MCPH1: variants seen among roughly 807,000 people sequenced by gnomAD.
MCPH1 encodes the protein microcephalin.
A neutral mutation model predicts 84.5 loss-of-function variants in MCPH1; 104 were observed. The observed-to-expected ratio is 1.23, with a 90% confidence interval of 1.05 to 1.45. The LOEUF (loss-of-function observed/expected upper bound fraction) is 1.45, where lower values mean the gene tolerates loss of function less well. Ranked by LOEUF, MCPH1 falls within the 40% of genes most tolerant of loss-of-function variation. MCPH1 has a pLI of 0.00. For synonymous variants in MCPH1, 514 were observed against 366.8 expected, an observed-to-expected ratio of 1.40 and a Z score of -4.58; for missense variants, 1,498 against 1,005.7, an observed-to-expected ratio of 1.49 and a Z score of -6.62.
At chr8:6,410,701 C>T (rs79143332) in intron 2 of MCPH1, among the ~76,000 whole-genome samples, 1 of 152,172 alleles carries the variant, frequency 6.6e-6, no homozygotes, top group South Asian at 2.1e-4. Flanking sequence ...GAAGAGTACT[C>T]ACATCTTCAT....
intron 1 of MCPH1, 111 bp downstream of exon 1, chr8:6,406,800 C>G (rs1373005787): frequency 8.2e-7 from 1 of 1,220,664 alleles, no homozygotes; most frequent in African/African-American, 1.5e-5. Context: ...GCCCCTCCCT[C>G]GCTGCCTGTC....
intron 13 of MCPH1, among the ~76,000 whole-genome samples, chr8:6,631,243 C>T (rs956659479): frequency 9.2e-5 from 14 of 152,168 alleles, no homozygotes; most frequent in Middle Eastern, 6.3e-3. Context: ...CTCCATCTCA[C>T]ATAACATGCA....
chr8:6,518,477 C>T (rs887181597), intron 12 of MCPH1, among the ~76,000 whole-genome samples: 4 of 152,130 alleles, frequency 2.6e-5, no homozygotes, highest in African/African-American at 9.7e-5. Flanking sequence ...TTTAACACAG[C>T]ATTAATGAAT....
At chr8:6,555,341 A>G (rs1280411344) in intron 12 of MCPH1, among the ~76,000 whole-genome samples, 3 of 152,150 alleles carry the variant, frequency 2.0e-5, no homozygotes, top group African/African-American at 4.8e-5. Context: ...GTCCTGTGAA[A>G]TCCAGCGTTT....
rs182206538 is a variant in MCPH1, at chr8:6,495,492, C to T, written c.2137-4360C>T. Among the ~76,000 whole-genome samples, 360 of 152,312 alleles carry T rather than the reference C, an allele frequency of 2.4e-3. 1 individual carries two copies. Among genetic ancestry groups the T allele is most frequent in the Non-Finnish European group, 3.9e-3 (262 of 68,034 alleles). On this transcript the variant is annotated intron_variant, in intron 11 of 13. Transcript: ENST00000344683. ...AACAGCATACAAACTAGCAAACTCTCATAAATGTTGTTTGAGAAAATCAAT... is the reference window on the plus strand; with the variant it reads ...AACAGCATACAAACTAGCAAACTCTTATAAATGTTGTTTGAGAAAATCAAT...
intron 12 of MCPH1, among the ~76,000 whole-genome samples, chr8:6,525,198 A>T (rs760132348): frequency 1.5e-4 from 23 of 152,194 alleles, no homozygotes; most frequent in Non-Finnish European, 2.9e-4. Context: ...CAGTATTAAT[A>T]ATAATTATTA....
chr8:6,481,622 T>C (rs1809252635), intron 11 of MCPH1, among the ~76,000 whole-genome samples: 1 of 152,184 alleles, frequency 6.6e-6, no homozygotes, highest in Non-Finnish European at 1.5e-5. Context: ...TTTAAACCAG[T>C]AGAATTATAA....
At chr8:6,552,569 C>G (rs1313267777) in intron 12 of MCPH1, among the ~76,000 whole-genome samples, 3 of 152,180 alleles carry the variant, frequency 2.0e-5, no homozygotes, top group Admixed American at 1.3e-4. Context: ...TAGTATAGAT[C>G]TTGATAAGTG....
At chr8:6,462,316 A>G (rs1031376519) in intron 9 of MCPH1, among the ~76,000 whole-genome samples, 6 of 152,362 alleles carry the variant, frequency 3.9e-5, no homozygotes, top group Middle Eastern at 3.4e-3. Context: ...GACATAGTCT[A>G]TATCCTGTTA....
chr8:6,473,942 A>T, intron 9 of MCPH1: 1 of 1,424,924 alleles, frequency 7.0e-7, no homozygotes, highest in Non-Finnish European at 9.7e-7. Context: ...CCGATGCACA[A>T]CTTCTTCCTT....
chr8:6,488,444 T>C (rs1420633926), intron 11 of MCPH1, among the ~76,000 whole-genome samples: 2 of 152,202 alleles, frequency 1.3e-5, no homozygotes, highest in Non-Finnish European at 2.9e-5. Context: ...GTCAAAGTGA[T>C]TTTTTTAGTG....
In MCPH1 at chr8:6,645,606, C is replaced by CAAAAAAAAAA. The variant is rs34907559; in HGVS notation, c.*2568_*2577dup. The CAAAAAAAAAA allele has an allele frequency of 1.9e-5, 1 of 51,762 alleles. No homozygotes were observed. The highest frequency in any genetic ancestry group is 6.4e-5 in the African/African-American group (1 of 15,656). 3.2% of individuals were successfully genotyped at this position (51,762 alleles called of 1,614,324 possible). A position where few individuals can be genotyped will look rare whatever the true frequency, so the allele number is the denominator to read the frequency against. Reference sequence around the variant, plus strand: ...CTATGTATAGAAATTGTAAGGAATGCAAAAAAAAAAAAAAAAAAAAGCCCT... The same window carrying CAAAAAAAAAA: ...CTATGTATAGAAATTGTAAGGAATGCAAAAAAAAAAAAAAAAAAAAAAAAAAAAAAGCCCT... On this transcript the variant is annotated 3_prime_UTR_variant, in exon 14 of 14. Coordinates refer to ENST00000344683, the MANE Select transcript of MCPH1 (RefSeq NM_024596.5).
At chr8:6,566,239 G>A (rs750381770) in intron 12 of MCPH1, among the ~76,000 whole-genome samples, 1 of 152,180 alleles carries the variant, frequency 6.6e-6, no homozygotes, top group Non-Finnish European at 1.5e-5. Flanking sequence ...GTTAGAAACC[G>A]GGCCTGGACT....
intron 12 of MCPH1, chr8:6,513,617 G>A: frequency 3.4e-6 from 5 of 1,482,200 alleles, no homozygotes; most frequent in African/African-American, 1.4e-5. Flanking sequence ...ACAGGCGTGA[G>A]CCACCGTGCC....
At chr8:6,494,127 C>G (rs529260480) in intron 11 of MCPH1, 2 of 151,998 alleles carry the variant, frequency 1.3e-5, no homozygotes, top group Non-Finnish European at 2.9e-5. Flanking sequence ...TTTGTAGAGA[C>G]AGAGTTTCAC....
chr8:6,451,188 C>T (rs745883081), intron 8 of MCPH1, among the ~76,000 whole-genome samples: 3 of 152,228 alleles, frequency 2.0e-5, no homozygotes, highest in Non-Finnish European at 4.4e-5. Context: ...GCCTAACTCA[C>T]TGGGGCTGCA....
intron 13 of MCPH1, among the ~76,000 whole-genome samples, chr8:6,641,022 C>T (rs1388112444): frequency 6.6e-6 from 1 of 152,120 alleles, no homozygotes; most frequent in African/African-American, 2.4e-5. Flanking sequence ...TATAATTGTA[C>T]AGACTGTTTT....
In MCPH1 at chr8:6,442,080, T is replaced by G; in HGVS notation, c.594T>G (p.Ile198Met). Residue 198 changes from isoleucine to methionine, a missense_variant, in exon 7 of 14, where the codon ATT becomes ATG. Ile to Met is a conservative substitution (Grantham distance 10, BLOSUM62 1). Transcript: ENST00000344683. ...ENLSPTSSQMIQQSHDNPSNS... is the reference protein window; with the variant it reads ...ENLSPTSSQMMQQSHDNPSNS... ...TCCTGTTTTTAGCTTCCCAAATGAT[T>G]CAGCAGTCTCATGATAATCCAAGTA... 2 of 1,612,418 alleles carry G rather than the reference T, an allele frequency of 1.2e-6. No individual in the cohort carries two copies. Among genetic ancestry groups the G allele is most frequent in the South Asian group, 2.2e-5 (2 of 91,034 alleles).
intron 13 of MCPH1, chr8:6,634,832 C>T (rs2129582650): frequency 6.6e-6 from 1 of 152,282 alleles, no homozygotes; most frequent in East Asian, 1.9e-4. Flanking sequence ...TTAGTTGAGC[C>T]TGTAACCAGG....
Sources: allele counts gnomAD v4.1 joint callset (sites outside exome capture counted in the v4.1 genomes callset), GRCh38; gene constraint gnomAD v4.1.1; transcripts MANE v1.5; gene names NCBI Gene and HGNC (gene_info 2026-07-23, HGNC 2026-07-21).